Variants in AP3B1 observed in about 807,000 individuals in gnomAD.
AP3B1 encodes the protein adaptor related protein complex 3 subunit beta 1.
In AP3B1, 61 loss-of-function variants were observed where a neutral mutation model predicts 132.5. The ratio of observed to expected loss-of-function variants is 0.46; its 90% confidence interval spans 0.37 to 0.57. AP3B1 has a LOEUF of 0.57. Among genes scored for constraint, AP3B1 ranks in the 20% least tolerant of loss-of-function variants. The pLI, the probability that AP3B1 is intolerant of heterozygous loss-of-function variation, is 0.00. For synonymous variants in AP3B1, 388 were observed against 438.3 expected (o/e 0.89, Z 1.43); for missense variants, 1,120 against 1,289.4 (o/e 0.87, Z 2.01).
intron 7 of AP3B1, among the ~76,000 whole-genome samples, chr5:78,213,181 G>A (rs115925747): frequency 0.03 from 4,630 of 152,094 alleles, 136 homozygotes; most frequent in East Asian, 0.13. Flanking sequence ...GCCCGGCCTC[G>A]TCTGCCAACT....
intron 23 of AP3B1, among the ~76,000 whole-genome samples, chr5:78,038,566 C>A (rs1747905829): frequency 6.6e-6 from 1 of 152,196 alleles, no homozygotes; most frequent in African/African-American, 2.4e-5. Context: ...TGGTCTATAT[C>A]CTCTCAGTCT....
At position 78,099,048 on chromosome 5, in the gene AP3B1, A is replaced by C. The variant is rs983361567; in HGVS notation, c.2470+1905T>G. 4.6e-5 allele frequency among the ~76,000 whole-genome samples: 7 copies of C among 152,204 alleles called. 1 individual carries two copies. The highest frequency in any genetic ancestry group is 3.9e-4 in the Admixed American group (6 of 15,278). On this transcript the variant is annotated intron_variant, in intron 21 of 26. Transcript: ENST00000255194. Reference sequence around the variant, plus strand: ...ATTAGGTTATAGGGGTTCTACCCTCATGAATGGGATTATTGCCCTTATAAA... The same window carrying C: ...ATTAGGTTATAGGGGTTCTACCCTCCTGAATGGGATTATTGCCCTTATAAA...
intron 13 of AP3B1, among the ~76,000 whole-genome samples, chr5:78,161,656 T>A (rs547661247): frequency 4.3e-4 from 66 of 152,070 alleles, no homozygotes; most frequent in South Asian, 1.7e-3. Context: ...TAAAAAAAAA[T>A]TTTAAACCTA....
chr5:78,202,723 T>C (rs1292312301), intron 7 of AP3B1, among the ~76,000 whole-genome samples: 1 of 152,162 alleles, frequency 6.6e-6, no homozygotes. Flanking sequence ...TAATACTTCA[T>C]ATAATGAAAA....
intron 19 of AP3B1, among the ~76,000 whole-genome samples, chr5:78,111,305 G>A (rs1217657388): frequency 6.6e-6 from 1 of 152,060 alleles, no homozygotes; most frequent in Non-Finnish European, 1.5e-5. Context: ...CCATTCATTT[G>A]TTCACCTGCT....
intron 2 of AP3B1, among the ~76,000 whole-genome samples, chr5:78,246,929 C>T (rs973084952): frequency 1.3e-5 from 2 of 152,094 alleles, no homozygotes; most frequent in African/African-American, 4.8e-5. Flanking sequence ...ATTGGAAATA[C>T]TTCTTTTCAA....
intron 22 of AP3B1, among the ~76,000 whole-genome samples, chr5:78,075,585 C>T (rs996806119): frequency 6.6e-6 from 1 of 152,192 alleles, no homozygotes; most frequent in Non-Finnish European, 1.5e-5. Context: ...AGCCAATTTC[C>T]CATATTCCTT....
chr5:78,212,870 C>T (rs976848667), intron 7 of AP3B1, among the ~76,000 whole-genome samples: 1 of 151,960 alleles, frequency 6.6e-6, no homozygotes, highest in African/African-American at 2.4e-5. Context: ...ATTTAGTCTG[C>T]CAACTTCTTT....
At chr5:78,238,074 C>T (rs1346203386) in intron 3 of AP3B1, among the ~76,000 whole-genome samples, 1 of 152,214 alleles carries the variant, frequency 6.6e-6, no homozygotes, top group Non-Finnish European at 1.5e-5. Context: ...GAGCAGTGGG[C>T]AAGCAAGTGA....
chr5:78,081,918 T>C (rs1306415588), intron 22 of AP3B1, among the ~76,000 whole-genome samples: 10 of 151,860 alleles, frequency 6.6e-5, no homozygotes, highest in Non-Finnish European at 1.3e-4. Flanking sequence ...AAAAAAACAG[T>C]TATAATCCCA....
intron 11 of AP3B1, among the ~76,000 whole-genome samples, chr5:78,169,046 T>C (rs912678978): frequency 6.6e-6 from 1 of 152,150 alleles, no homozygotes; most frequent in Non-Finnish European, 1.5e-5. Context: ...CCTTTCCTCA[T>C]TGGTTTGTAA....
chr5:78,285,997 C>T (rs754358671), intron 1 of AP3B1, among the ~76,000 whole-genome samples: 15 of 152,136 alleles, frequency 9.9e-5, no homozygotes, highest in South Asian at 2.1e-4. Context: ...CATTTCACCC[C>T]TCTGCTCAAA....
chr5:78,115,660 T>C (rs1014721656), intron 18 of AP3B1, among the ~76,000 whole-genome samples: 1 of 152,134 alleles, frequency 6.6e-6, no homozygotes, highest in South Asian at 2.1e-4. Context: ...TTTTATAGTA[T>C]ATAGAGACTT....
intron 20 of AP3B1, among the ~76,000 whole-genome samples, chr5:78,108,447 T>C (rs574953384): frequency 6.6e-6 from 1 of 152,136 alleles, no homozygotes; most frequent in South Asian, 2.1e-4. Flanking sequence ...AGGTGGAGAG[T>C]ACTTATTCCA....
At chr5:78,291,306 AT>A (rs1749505113) in intron 1 of AP3B1, among the ~76,000 whole-genome samples, 1 of 149,600 alleles carries the variant, frequency 6.7e-6, no homozygotes, top group South Asian at 2.2e-4. Context: ...TTTTGCAGCC[AT>A]TGTGGAAAAG....
intron 2 of AP3B1, among the ~76,000 whole-genome samples, chr5:78,249,384 A>G (rs879292610): frequency 6.6e-6 from 1 of 152,084 alleles, no homozygotes; most frequent in Non-Finnish European, 1.5e-5. Context: ...AAATAAAAAT[A>G]AAAATTGTAT....
chr5:78,174,673 C>CG (rs931082275), intron 11 of AP3B1, among the ~76,000 whole-genome samples: 18 of 152,326 alleles, frequency 1.2e-4, no homozygotes, highest in African/African-American at 3.8e-4. Context: ...TTAGGCTACA[C>CG]GGGGGTCAGG....
At chr5:78,185,335 G>A (rs1744559801) in intron 7 of AP3B1, among the ~76,000 whole-genome samples, 1 of 152,166 alleles carries the variant, frequency 6.6e-6, no homozygotes, top group Admixed American at 6.5e-5. Context: ...TCTCCTCTGA[G>A]TCTTTTAAAT....
chr5:78,221,361 T>C (rs1335029569), intron 6 of AP3B1, among the ~76,000 whole-genome samples: 4 of 151,624 alleles, frequency 2.6e-5, no homozygotes, highest in Non-Finnish European at 4.4e-5. Flanking sequence ...GAAATATAAA[T>C]GATGAAGCAA....
Sources: allele counts gnomAD v4.1 joint callset (sites outside exome capture counted in the v4.1 genomes callset), GRCh38; gene constraint gnomAD v4.1.1; transcripts MANE v1.5; gene names NCBI Gene and HGNC (gene_info 2026-07-23, HGNC 2026-07-21).